VDAC1: variants seen among roughly 807,000 people sequenced by gnomAD.
The protein encoded by VDAC1 is non-selective voltage-gated ion channel VDAC1.
VDAC1 carries 10 observed loss-of-function variants against 34.7 expected under a neutral mutation model. That is an observed-to-expected ratio of 0.29 (90% CI 0.18 to 0.49). The LOEUF is 0.49. Among genes scored for constraint, VDAC1 ranks in the 20% least tolerant of loss-of-function variants. The probability of loss-of-function intolerance (pLI) is 0.99; values close to 1 mark genes in which losing one functional copy is unlikely to be tolerated. For synonymous variants in VDAC1, 130 were observed against 136.0 expected, an observed-to-expected ratio of 0.96 and a Z score of 0.30; for missense variants, 230 against 347.9, an observed-to-expected ratio of 0.66 and a Z score of 2.69.
the VDAC1 span, among the ~76,000 whole-genome samples, chr5:134,113,950 G>C: frequency 1.4e-4 from 21 of 152,198 alleles, 1 homozygote; most frequent in Non-Finnish European, 1.5e-5. Flanking sequence ...GCAGGTTCTA[G>C]TCACGGAACC....
At chr5:134,061,789 C>T in the VDAC1 span, among the ~76,000 whole-genome samples, 2 of 151,738 alleles carry the variant, frequency 1.3e-5, no homozygotes, top group Admixed American at 1.3e-4. Context: ...CTAGCTAAAA[C>T]ATCTAGCACA....
chr5:134,103,627 T>G, the VDAC1 span, among the ~76,000 whole-genome samples: 14 of 152,366 alleles, frequency 9.2e-5, no homozygotes, highest in Non-Finnish European at 2.1e-4. Context: ...CGCTTGGAAA[T>G]GCAGACACAC....
At chr5:134,094,557 C>G in the VDAC1 span, among the ~76,000 whole-genome samples, 1 of 152,088 alleles carries the variant, frequency 6.6e-6, no homozygotes, top group Non-Finnish European at 1.5e-5. Context: ...ATTAGCCGAG[C>G]GTGGCGGCGG....
chr5:134,026,948 G>A, the VDAC1 span, among the ~76,000 whole-genome samples: 2 of 152,202 alleles, frequency 1.3e-5, no homozygotes, highest in African/African-American at 4.8e-5. Flanking sequence ...TAGAGCGTTA[G>A]GCTGGTTTTC....
At chr5:134,072,412 G>A in the VDAC1 span, among the ~76,000 whole-genome samples, 1 of 152,216 alleles carries the variant, frequency 6.6e-6, no homozygotes, top group Non-Finnish European at 1.5e-5. Flanking sequence ...TGGTCACTTT[G>A]TGGTAGGTAA....
the VDAC1 span, among the ~76,000 whole-genome samples, chr5:134,085,412 T>C: frequency 2.0e-5 from 3 of 152,018 alleles, no homozygotes; most frequent in Non-Finnish European, 4.4e-5. Flanking sequence ...CTGATTTCAG[T>C]ACAAAGCTTG....
At chr5:134,011,472 C>G in the VDAC1 span, among the ~76,000 whole-genome samples, 1 of 152,138 alleles carries the variant, frequency 6.6e-6, no homozygotes, top group African/African-American at 2.4e-5. Flanking sequence ...TTTTCCCTTC[C>G]CTCCAGCCCT....
At chr5:133,973,909 C>T in intron 7 of VDAC1, 61 bp from the exon 8 acceptor site, 1 of 1,527,382 alleles carries the variant, frequency 6.5e-7, no homozygotes, top group Admixed American at 2.1e-5. Context: ...ACTTCCATCT[C>T]CAAAATTAGA....
chr5:134,056,748 C>T, the VDAC1 span, among the ~76,000 whole-genome samples: 5 of 152,188 alleles, frequency 3.3e-5, no homozygotes, highest in Non-Finnish European at 5.9e-5. Context: ...TGCAATGGCA[C>T]GATCTTGGCT....
the VDAC1 span, among the ~76,000 whole-genome samples, chr5:134,050,167 T>C: frequency 6.6e-6 from 1 of 152,056 alleles, no homozygotes; most frequent in Non-Finnish European, 1.5e-5. Flanking sequence ...GAGAATTGCT[T>C]GAACCTGGGA....
the VDAC1 span, among the ~76,000 whole-genome samples, chr5:134,109,386 G>T: frequency 6.6e-6 from 1 of 152,138 alleles, no homozygotes; most frequent in African/African-American, 2.4e-5. Context: ...ACCAGGCCTT[G>T]GTGTGCTCCA....
At chr5:134,036,904 G>A in the VDAC1 span, among the ~76,000 whole-genome samples, 3 of 148,002 alleles carry the variant, frequency 2.0e-5, no homozygotes, top group Non-Finnish European at 4.5e-5. Context: ...AATGAGCCTA[G>A]ATCACGCCAC....
the VDAC1 span, among the ~76,000 whole-genome samples, chr5:134,052,225 C>T: frequency 2.0e-5 from 3 of 152,132 alleles, no homozygotes; most frequent in South Asian, 4.2e-4. Context: ...TCTCTTTTGT[C>T]CTGTCACCTT....
At chr5:134,079,840 C>T in the VDAC1 span, among the ~76,000 whole-genome samples, 1 of 152,206 alleles carries the variant, frequency 6.6e-6, no homozygotes, top group African/African-American at 2.4e-5. Context: ...CCCAAGAAAC[C>T]CACTCCATGA....
At chr5:134,059,648 A>G in the VDAC1 span, among the ~76,000 whole-genome samples, 1 of 152,126 alleles carries the variant, frequency 6.6e-6, no homozygotes, top group Non-Finnish European at 1.5e-5. Flanking sequence ...TGTCCATGAC[A>G]ACAGGGTTTC....
intron 1 of VDAC1, among the ~76,000 whole-genome samples, chr5:133,994,043 C>T (rs953921274): frequency 2.6e-5 from 4 of 152,192 alleles, no homozygotes; most frequent in Non-Finnish European, 5.9e-5. Flanking sequence ...TTTTAAAATA[C>T]AGTATACCTA....
chr5:134,092,670 C>T, the VDAC1 span, among the ~76,000 whole-genome samples: 3 of 146,134 alleles, frequency 2.1e-5, no homozygotes, highest in Non-Finnish European at 4.5e-5. Context: ...TGCAAGATTC[C>T]GTCTCAAAAA....
chr5:133,996,902 C>T (rs1753338304), intron 1 of VDAC1, among the ~76,000 whole-genome samples: 1 of 152,098 alleles, frequency 6.6e-6, no homozygotes, highest in African/African-American at 2.4e-5. Context: ...CAATGACCTC[C>T]ACTCCCTGCC....
chr5:134,094,555 A>T, the VDAC1 span, among the ~76,000 whole-genome samples: 1 of 152,054 alleles, frequency 6.6e-6, no homozygotes, highest in Non-Finnish European at 1.5e-5. Flanking sequence ...AAATTAGCCG[A>T]GCGTGGCGGC....
Sources: gnomAD v4.1 joint callset for allele counts (sites outside exome capture counted in the v4.1 genomes callset) on GRCh38, gnomAD v4.1.1 for gene constraint, MANE v1.5 for transcripts, NCBI Gene and HGNC (gene_info 2026-07-23, HGNC 2026-07-21) for gene names.